CADPS2: variants seen among roughly 807,000 people sequenced by gnomAD.
The protein encoded by CADPS2 is calcium-dependent secretion activator 2.
A neutral mutation model predicts 172.5 loss-of-function variants in CADPS2; 93 were observed. That is an observed-to-expected ratio of 0.54 (90% CI 0.46 to 0.64). The LOEUF (loss-of-function observed/expected upper bound fraction) is 0.64. Ranked by LOEUF, CADPS2 falls within the 30% of genes least tolerant of loss-of-function variation. The probability of loss-of-function intolerance (pLI) is 0.00; values close to 1 mark genes in which losing one functional copy is unlikely to be tolerated. For synonymous variants in CADPS2, 546 were observed against 555.2 expected, an observed-to-expected ratio of 0.98 and a Z score of 0.23; for missense variants, 1,420 against 1,565.9, an observed-to-expected ratio of 0.91 and a Z score of 1.57.
At chr7:122,681,465 A>G in intron 2 of CADPS2, 1 of 1,529,172 alleles carries the variant, frequency 6.5e-7, no homozygotes, top group Admixed American at 1.7e-5. Context: ...CGTAGCAGTC[A>G]GGGACATTTC....
intron 6 of CADPS2, among the ~76,000 whole-genome samples, chr7:122,600,544 G>T (rs1187455753): frequency 6.6e-6 from 1 of 152,062 alleles, no homozygotes; most frequent in Admixed American, 6.6e-5. Flanking sequence ...TAGAAATACT[G>T]TTACTTCTGT....
intron 5 of CADPS2, 39 bp downstream of exon 5, chr7:122,621,442 T>C (rs1361299306): frequency 7.8e-7 from 1 of 1,287,962 alleles, no homozygotes; most frequent in African/African-American, 1.5e-5. Context: ...GCATCATCAT[T>C]TATGCTGTCA....
Position 122,560,715 on chromosome 7 carries a change from T to C in CADPS2, c.1336-6026A>G, listed in dbSNP as rs2065646371. On this transcript the variant is annotated intron_variant, in intron 7 of 29. Transcript: ENST00000449022. ...TATCTCTACAAGAAACCTTGACTTT[T>C]TGGGTTTAGTTGATGTTTCTTTTTC... Among the ~76,000 whole-genome samples, 4 of 152,320 alleles carry C rather than the reference T, an allele frequency of 2.6e-5. No individual in the cohort carries two copies. In the South Asian group the frequency reaches 8.3e-4, roughly 32 times the overall value.
Position 122,447,543 on chromosome 7 carries a change from A to ATTTTTTTTTTTTTTTTT in CADPS2, c.2288+3814_2288+3830dup, listed in dbSNP as rs1159112244. 3.6e-3 allele frequency among the ~76,000 whole-genome samples: 319 copies of ATTTTTTTTTTTTTTTTT among 89,784 alleles called. 55 individuals are homozygous for ATTTTTTTTTTTTTTTTT. Among genetic ancestry groups the ATTTTTTTTTTTTTTTTT allele is most frequent in the East Asian group, 0.016 (41 of 2,590 alleles). The allele number at this position is 89,784 out of a possible 152,430, so 58.9% of individuals were successfully genotyped here. Reference sequence around the variant, plus strand: ...CCATGTTGATTTCTTGTTTCGGGGAATTTTTTTTTTTTTTTTTTTTTTTTT... The same window carrying ATTTTTTTTTTTTTTTTT: ...CCATGTTGATTTCTTGTTTCGGGGAATTTTTTTTTTTTTTTTTTTTTTTTTTTTTTTTTTTTTTTTTT... On this transcript the variant is annotated intron_variant, in intron 15 of 29. Transcript: ENST00000449022.
intron 1 of CADPS2, among the ~76,000 whole-genome samples, chr7:122,742,597 G>C (rs1260648727): frequency 6.6e-6 from 1 of 152,076 alleles, no homozygotes; most frequent in Admixed American, 6.6e-5. Flanking sequence ...CACATTCTAA[G>C]CATTCTATGT....
chr7:122,354,489 T>C lies in CADPS2; in HGVS notation c.3504+6299A>G, dbSNP rs140441716. 11 of 152,258 alleles carry C rather than the reference T, an allele frequency of 7.2e-5. No homozygotes were observed. In the East Asian group the frequency reaches 2.1e-3, roughly 29 times the overall value. The allele number at this position is 152,258 out of a possible 1,614,324, so 9.4% of individuals were successfully genotyped here. A position where few individuals can be genotyped will look rare whatever the true frequency, so the allele number is the denominator to read the frequency against. On this transcript the variant is annotated intron_variant, in intron 27 of 29. Transcript: ENST00000449022. ...TTTTTTCAAAAAGTACTCCATATTA[T>C]TGTCAAACATGATCTTTTATACAAC...
chr7:122,769,447 T>C (rs2093648201), intron 1 of CADPS2, among the ~76,000 whole-genome samples: 1 of 152,056 alleles, frequency 6.6e-6, no homozygotes, highest in South Asian at 2.1e-4. Flanking sequence ...CCTCTTTGTG[T>C]TCATTCAAAT....
intron 2 of CADPS2, among the ~76,000 whole-genome samples, chr7:122,729,686 T>G (rs1209806991): frequency 2.7e-5 from 4 of 149,460 alleles, no homozygotes; most frequent in South Asian, 4.2e-4. Context: ...GTTTTTTTTT[T>G]TTTTTTTTTT....
chr7:122,594,640 C>T (rs1293861742), intron 6 of CADPS2, among the ~76,000 whole-genome samples: 2 of 151,954 alleles, frequency 1.3e-5, no homozygotes, highest in African/African-American at 2.4e-5. Flanking sequence ...CCTGTTAGCA[C>T]AAAATCAGGT....
At chr7:122,531,436 C>T (rs1302441876) in intron 8 of CADPS2, among the ~76,000 whole-genome samples, 1 of 152,184 alleles carries the variant, frequency 6.6e-6, no homozygotes, top group East Asian at 1.9e-4. Flanking sequence ...TGAAGTTCTT[C>T]TCTTAAGGGC....
At chr7:122,405,951 T>G (rs889758288) in intron 20 of CADPS2, among the ~76,000 whole-genome samples, 3 of 152,212 alleles carry the variant, frequency 2.0e-5, no homozygotes. Context: ...CTTTTATAGA[T>G]ATAGCACCTA....
At chr7:122,386,955 C>T (rs1354233077) in intron 24 of CADPS2, 71 bp downstream of exon 24, 12 of 1,482,030 alleles carry the variant, frequency 8.1e-6, no homozygotes, top group Non-Finnish European at 1.1e-5. Flanking sequence ...AAGAGAATGC[C>T]TTGTGGAAAG....
chr7:122,881,208 C>A (rs1006645812), intron 1 of CADPS2, among the ~76,000 whole-genome samples: 11 of 152,008 alleles, frequency 7.2e-5, no homozygotes, highest in Admixed American at 5.9e-4. Flanking sequence ...GCAAACAAAA[C>A]GAAACTGAAA....
At chr7:122,377,214 A>G (rs888432737) in intron 25 of CADPS2, among the ~76,000 whole-genome samples, 4 of 152,140 alleles carry the variant, frequency 2.6e-5, no homozygotes, top group African/African-American at 9.7e-5. Flanking sequence ...CCACAACCAC[A>G]TGTGGCTAGT....
At chr7:122,361,078 C>A (rs1400523236) in intron 25 of CADPS2, 65 bp from the exon 26 acceptor site, 1 of 1,321,568 alleles carries the variant, frequency 7.6e-7, no homozygotes, top group Admixed American at 2.0e-5. Context: ...GCAGGACAAA[C>A]AATTCCTGAA....
intron 28 of CADPS2, among the ~76,000 whole-genome samples, chr7:122,342,585 T>C (rs1053165847): frequency 6.6e-6 from 1 of 152,150 alleles, no homozygotes; most frequent in Non-Finnish European, 1.5e-5. Flanking sequence ...TGCAGACTAA[T>C]TGTTTTATAT....
At position 122,416,064 on chromosome 7, in the gene CADPS2, T is replaced by G. The variant is rs2047870004; in HGVS notation, c.2577A>C (p.Ala859=). The G allele has an allele frequency of 6.6e-7, 1 of 1,519,538 alleles. No homozygotes were observed. The highest frequency in any genetic ancestry group is 2.4e-5 in the East Asian group (1 of 40,882). The allele number at this position is 1,519,538 out of a possible 1,614,324, so 94.1% of individuals were successfully genotyped here. The change falls in exon 18 of 30, where the codon GCA becomes GCC. Residue 859 remains alanine, a synonymous_variant. Coordinates refer to ENST00000449022, the MANE Select transcript of CADPS2 (RefSeq NM_017954.11). ...EVLQQNEEHH[A]EGREAFAWWP... ...TACAGTGAAAACAGGTCATCACCTC[T>G]GCATGATGCTCTTCATTCTGCTGTA...
At chr7:122,704,838 T>C (rs763050045) in intron 2 of CADPS2, among the ~76,000 whole-genome samples, 6 of 152,052 alleles carry the variant, frequency 3.9e-5, no homozygotes, top group South Asian at 2.1e-4. Context: ...CATTTTTTGA[T>C]TGTCACAATT....
chr7:122,681,157 T>G (rs1190620654), intron 2 of CADPS2, among the ~76,000 whole-genome samples: 3 of 146,228 alleles, frequency 2.1e-5, no homozygotes, highest in South Asian at 2.3e-4. Flanking sequence ...AGGGATAGCA[T>G]TGGGAGATAT....
Sources: gnomAD v4.1 joint callset for allele counts (sites outside exome capture counted in the v4.1 genomes callset) on GRCh38, gnomAD v4.1.1 for gene constraint, MANE v1.5 for transcripts, NCBI Gene and HGNC (gene_info 2026-07-23, HGNC 2026-07-21) for gene names.